PPP1R42: variants seen among roughly 807,000 people sequenced by gnomAD.
PPP1R42 encodes the protein leucine rich repeat containing 67.
In PPP1R42, 34 loss-of-function variants were observed where a neutral mutation model predicts 31.0. The ratio of observed to expected loss-of-function variants is 1.10; its 90% CI spans 0.83 to 1.46. The LOEUF (loss-of-function observed/expected upper bound fraction) is 1.46. PPP1R42 is among the 40% of genes most tolerant of loss of function. PPP1R42 has a pLI of 0.00. For synonymous variants in PPP1R42, 103 were observed against 109.8 expected, an observed-to-expected ratio of 0.94 and a Z score of 0.39; for missense variants, 268 against 303.0, an observed-to-expected ratio of 0.88 and a Z score of 0.86.
chr8:66,995,632 G>A (rs1285749739), intron 5 of PPP1R42, among the ~76,000 whole-genome samples: 1 of 152,170 alleles, frequency 6.6e-6, no homozygotes, highest in East Asian at 1.9e-4. Flanking sequence ...TGCATTCAAA[G>A]CTACTCAGTC....
At position 67,017,719 on chromosome 8, in the gene PPP1R42, G is replaced by A; in HGVS notation, c.29C>T (p.Ala10Val). ...TCGGGGTTTAAGATTGCTGTTTCTG[G>A]CAATTAGATCCAAGGTCAGTCGAAC... is the stretch of plus-strand genomic sequence containing the variant. MVRLTLDLI[A>V]RNSNLKPRKE... The change falls in exon 2 of 8, where the codon GCC (alanine) becomes GTC (valine). Residue 10 changes from alanine (A) to valine (V), a missense_variant. By Grantham distance (64) the Ala-to-Val change is moderately conservative. Transcript: ENST00000685739. 2.5e-6 allele frequency: 4 copies of A among 1,597,580 alleles called. No homozygotes were observed. The highest frequency in any genetic ancestry group is 3.4e-6 in the Non-Finnish European group (4 of 1,172,360).
intron 5 of PPP1R42, among the ~76,000 whole-genome samples, chr8:66,990,663 T>C (rs1050547502): frequency 1.3e-5 from 2 of 152,134 alleles, no homozygotes; most frequent in African/African-American, 4.8e-5. Context: ...ACAGCAATGC[T>C]CTCTCTACCA....
chr8:66,985,848 G>A, intron 6 of PPP1R42: 2 of 1,200,918 alleles, frequency 1.7e-6, no homozygotes, highest in Non-Finnish European at 2.4e-6. Flanking sequence ...GGAGGCCCAG[G>A]GATCACCTCT....
At chr8:67,026,570 T>C (rs1816403771) in intron 1 of PPP1R42, among the ~76,000 whole-genome samples, 2 of 151,952 alleles carry the variant, frequency 1.3e-5, no homozygotes, top group African/African-American at 4.8e-5. Flanking sequence ...GTGTGTTGGC[T>C]CACACCTGTA....
chr8:66,986,269 A>G (rs16933132), intron 6 of PPP1R42: 13,825 of 507,400 alleles, frequency 0.027, 500 homozygotes, highest in African/African-American at 0.094. Context: ...GGGAGAAAAG[A>G]TTAAGGAAGA....
chr8:66,992,434 A>C (rs890205865), intron 5 of PPP1R42, among the ~76,000 whole-genome samples: 2 of 152,190 alleles, frequency 1.3e-5, no homozygotes, highest in Non-Finnish European at 2.9e-5. Context: ...CTAATAAAAC[A>C]TCTAACTAAT....
At chr8:67,019,934 C>T (rs981581817) in intron 1 of PPP1R42, among the ~76,000 whole-genome samples, 5 of 151,780 alleles carry the variant, frequency 3.3e-5, no homozygotes, top group Non-Finnish European at 7.4e-5. Context: ...AACTAAGCCC[C>T]AGAGATTTAT....
At chr8:67,003,076 G>C (rs35557442) in intron 5 of PPP1R42, among the ~76,000 whole-genome samples, 1 of 144,874 alleles carries the variant, frequency 6.9e-6, no homozygotes, top group South Asian at 2.1e-4. Flanking sequence ...TGAGGCAAGA[G>C]AATCTTTTGA....
At chr8:67,022,228 CTG>C (rs1195063580) in intron 1 of PPP1R42, among the ~76,000 whole-genome samples, 1 of 152,162 alleles carries the variant, frequency 6.6e-6, no homozygotes, top group Non-Finnish European at 1.5e-5. Flanking sequence ...TATCTCACTA[CTG>C]TGTTTTAATT....
At chr8:67,020,110 T>C (rs986362548) in intron 1 of PPP1R42, among the ~76,000 whole-genome samples, 2 of 152,146 alleles carry the variant, frequency 1.3e-5, no homozygotes, top group African/African-American at 2.4e-5. Context: ...AAAATGAAGC[T>C]GGCCTAGAAA....
At chr8:66,997,139 C>T (rs1166982787) in intron 5 of PPP1R42, among the ~76,000 whole-genome samples, 5 of 152,086 alleles carry the variant, frequency 3.3e-5, no homozygotes, top group Non-Finnish European at 5.9e-5. Flanking sequence ...GGCAACAGAG[C>T]GAGACTCTTA....
At chr8:67,007,147 G>A (rs994439681) in intron 5 of PPP1R42, among the ~76,000 whole-genome samples, 1 of 151,934 alleles carries the variant, frequency 6.6e-6, no homozygotes. Context: ...CAAAGTGCAG[G>A]GATTACAGGC....
At chr8:67,012,869 A>T (rs1174041622) in intron 4 of PPP1R42, 89 bp downstream of exon 4, 3 of 1,255,358 alleles carry the variant, frequency 2.4e-6, no homozygotes, top group Non-Finnish European at 3.2e-6. Flanking sequence ...AGGATGTACA[A>T]TGTCCAAATA....
chr8:66,977,178 G>A (rs112440380), intron 7 of PPP1R42, among the ~76,000 whole-genome samples: 23 of 151,786 alleles, frequency 1.5e-4, no homozygotes, highest in Admixed American at 2.0e-4. Flanking sequence ...GATTACAGGC[G>A]TGTGCCACCA....
At chr8:67,026,447 T>C (rs906450565) in intron 1 of PPP1R42, among the ~76,000 whole-genome samples, 4 of 152,228 alleles carry the variant, frequency 2.6e-5, no homozygotes, top group Non-Finnish European at 4.4e-5. Flanking sequence ...GTACAGCTTT[T>C]CCTTGGCTTC....
chr8:66,985,650 G>C lies in PPP1R42; in HGVS notation c.670+2750C>G, dbSNP rs2130928245. ...TCTCAATGGCATCATTCATGAAAGT[G>C]GCACCCTGGGAGGGCTGAATAGTGT... On this transcript the variant is annotated intron_variant, in intron 6 of 7. Coordinates refer to ENST00000685739, the MANE Select transcript of PPP1R42 (RefSeq NM_001364910.1). 14 of 1,332,582 alleles carry C rather than the reference G, an allele frequency of 1.1e-5. 1 individual carries two copies. The East Asian group carries it at 3.2e-4, about 31-fold the overall frequency. The allele number at this position is 1,332,582 out of a possible 1,614,324, so 82.5% of individuals were successfully genotyped here.
Position 66,988,406 on chromosome 8 carries a change from A to G in PPP1R42, c.664T>C (p.Ser222Pro), listed in dbSNP as rs375052657. 5 of 1,540,268 alleles carry G rather than the reference A, an allele frequency of 3.2e-6. No individual in the cohort carries two copies. The African/African-American group carries it at 7.0e-5, about 22-fold the overall frequency. The stretch of plus-strand genomic sequence containing the variant: ...TATTAATATAAATATGTACCCAGTG[A>G]TTTGGACACCAATATCAGTCTGTCC... ...YRDRLILVSK[S>P]LEFLDGKEIK... Residue 222 changes from serine (S) to proline (P), a missense_variant, in exon 6 of 8, where the codon TCA (serine) becomes CCA (proline). Physicochemically the swap from Ser to Pro is moderately conservative, Grantham distance 74. Transcript: ENST00000685739.
chr8:66,982,915 A>G (rs1814885491), intron 6 of PPP1R42, among the ~76,000 whole-genome samples: 4 of 151,400 alleles, frequency 2.6e-5, no homozygotes, highest in Admixed American at 2.6e-4. Flanking sequence ...TAGCTAGAAC[A>G]ATAGCCATGT....
chr8:67,013,240 GT>G, intron 3 of PPP1R42, 144 bp from the exon 4 acceptor site: 1 of 581,668 alleles, frequency 1.7e-6, no homozygotes, highest in Non-Finnish European at 2.8e-6. Flanking sequence ...TCTATGAAAG[GT>G]TGGTTTATCT....
Sources: allele counts gnomAD v4.1 joint callset (sites outside exome capture counted in the v4.1 genomes callset), GRCh38; gene constraint gnomAD v4.1.1; transcripts MANE v1.5; gene names NCBI Gene and HGNC (gene_info 2026-07-23, HGNC 2026-07-21).